WDFY3: variants seen among roughly 807,000 people sequenced by gnomAD.
WDFY3 encodes WD repeat and FYVE domain containing 3.
Under a neutral mutation model 409.6 loss-of-function variants are expected in WDFY3, and 66 were observed. That is an observed-to-expected ratio of 0.16 (90% CI 0.13 to 0.20). The LOEUF is 0.20. WDFY3 is among the 10% of genes least tolerant of loss of function. The probability of loss-of-function intolerance (pLI) is 1.00; values close to 1 mark genes in which losing one functional copy is unlikely to be tolerated. For missense variants in WDFY3, 3,031 were observed against 4,298.1 expected (o/e 0.71, Z 8.24); for synonymous variants, 1,521 against 1,537.1 (o/e 0.99, Z 0.25).
chr4:84,722,158 G>A (rs1734956539), intron 46 of WDFY3, among the ~76,000 whole-genome samples: 1 of 152,004 alleles, frequency 6.6e-6, no homozygotes, highest in Non-Finnish European at 1.5e-5. Flanking sequence ...GAGGCCAAGG[G>A]GAGCAGATCA....
chr4:84,962,817 G>A (rs1373022857), intron 1 of WDFY3, among the ~76,000 whole-genome samples: 1 of 151,608 alleles, frequency 6.6e-6, no homozygotes, highest in African/African-American at 2.4e-5. Context: ...GGGACTACAG[G>A]TGCACACCAC....
intron 5 of WDFY3, among the ~76,000 whole-genome samples, chr4:84,846,197 A>C (rs2150072524): frequency 6.6e-6 from 1 of 152,272 alleles, no homozygotes; most frequent in South Asian, 2.1e-4. Context: ...TGAATTTCAC[A>C]AGCTTAAAAC....
chr4:84,812,764 T>C (rs1211988295), intron 13 of WDFY3, among the ~76,000 whole-genome samples: 1 of 152,188 alleles, frequency 6.6e-6, no homozygotes, highest in African/African-American at 2.4e-5. Flanking sequence ...TATGTACTTC[T>C]GGACAGGCCC....
chr4:84,699,467 G>GA (rs1351916769), intron 56 of WDFY3, among the ~76,000 whole-genome samples: 1 of 152,162 alleles, frequency 6.6e-6, no homozygotes, highest in Non-Finnish European at 1.5e-5. Context: ...TCACTTGATA[G>GA]ACATCTGGGC....
At chr4:84,687,958 TA>T in intron 62 of WDFY3, 127 bp downstream of exon 62, 1 of 1,008,026 alleles carries the variant, frequency 9.9e-7, no homozygotes, top group Non-Finnish European at 1.5e-6. Context: ...TGGGCTCAAC[TA>T]ATCCTCCTGC....
At position 84,958,657 on chromosome 4, in the gene WDFY3, G is replaced by A. The variant is rs72664969; in HGVS notation, c.-226+7552C>T. Among the ~76,000 whole-genome samples, 1,476 of 152,256 alleles carry A rather than the reference G, an allele frequency of 9.7e-3. 10 individuals carry two copies. Among genetic ancestry groups the A allele is most frequent in the Non-Finnish European group, 0.017 (1,143 of 68,016 alleles). On this transcript the variant is annotated intron_variant, in intron 1 of 67. Transcript: ENST00000295888. ...AGGAATGCATCTCTGCCATGCAGAG[G>A]ATGCAATCTAGGCTCAAACACACTG...
chr4:84,891,123 C>A (rs992208197), intron 3 of WDFY3, among the ~76,000 whole-genome samples: 5 of 152,192 alleles, frequency 3.3e-5, no homozygotes, highest in African/African-American at 1.2e-4. Flanking sequence ...TCCTGATCCA[C>A]ACAGACAGCC....
intron 2 of WDFY3, among the ~76,000 whole-genome samples, chr4:84,920,845 T>C (rs1384573493): frequency 3.9e-5 from 6 of 152,150 alleles, no homozygotes; most frequent in Non-Finnish European, 5.9e-5. Context: ...ACCTTTTTTT[T>C]CCTCCAATCA....
chr4:84,696,250 T>C, intron 57 of WDFY3, 68 bp from the exon 58 acceptor site: 1 of 1,468,952 alleles, frequency 6.8e-7, no homozygotes, highest in Non-Finnish European at 9.4e-7. Context: ...TAGAAAAACC[T>C]TGGTAAGTGG....
At chr4:84,822,614 A>G (rs1052286529) in intron 10 of WDFY3, among the ~76,000 whole-genome samples, 2 of 152,108 alleles carry the variant, frequency 1.3e-5, no homozygotes, top group South Asian at 4.2e-4. Context: ...CAGGAGGCTG[A>G]GGCAGGAGGA....
At chr4:84,720,879 G>T (rs920851179) in intron 47 of WDFY3, among the ~76,000 whole-genome samples, 1 of 152,192 alleles carries the variant, frequency 6.6e-6, no homozygotes, top group Non-Finnish European at 1.5e-5. Context: ...GTACCAGGCT[G>T]CAGGGGCTCA....
intron 51 of WDFY3, among the ~76,000 whole-genome samples, chr4:84,712,136 CA>C (rs2149009237): frequency 6.6e-6 from 1 of 151,830 alleles, no homozygotes; most frequent in Non-Finnish European, 1.5e-5. Flanking sequence ...CCACCCACGC[CA>C]ACATGGAGAA....
chr4:84,826,672 C>T lies in WDFY3; in HGVS notation c.1123+143G>A, dbSNP rs572936649. 68 of 686,300 alleles carry T rather than the reference C, an allele frequency of 9.9e-5. No homozygotes were observed. In the African/African-American group the frequency reaches 1.1e-3, roughly 12 times the overall value. 42.5% of individuals were successfully genotyped at this position (686,300 alleles called of 1,614,324 possible). ...GGTTATTACTTAAGAAATACTTAAA[C>T]CATTAAAAAAAAAACAAGCTTTAAG... is the stretch of plus-strand genomic sequence containing the variant. On this transcript the variant is annotated intron_variant, in intron 10 of 67. Coordinates refer to ENST00000295888, the MANE Select transcript of WDFY3 (RefSeq NM_014991.6).
Position 84,669,673 on chromosome 4 carries a change from G to T in WDFY3, c.*3195C>A, listed in dbSNP as rs1725180325. On this transcript the variant is annotated 3_prime_UTR_variant, in exon 68 of 68. Transcript: ENST00000295888. ...TTTGCATCAGAGACAAATATACAATGAACATTCAGATATCACAGACTGCAC... is the reference window on the plus strand; with the variant it reads ...TTTGCATCAGAGACAAATATACAATTAACATTCAGATATCACAGACTGCAC... The T allele has an allele frequency of 6.8e-6, 1 of 146,066 alleles. No homozygotes were observed. The highest frequency in any genetic ancestry group is 2.4e-4 in the South Asian group (1 of 4,238). The allele number at this position is 146,066 out of a possible 1,614,324, so 9.0% of individuals were successfully genotyped here.
rs1265293898 is a variant in WDFY3, at chr4:84,849,949, C to T, written c.257G>A (p.Arg86Gln). Residue 86 changes from arginine (R) to glutamine (Q), a missense_variant, in exon 5 of 68, where the codon CGA becomes CAA. Transcript: ENST00000295888. ...CCTTCGAATTTCTGTCACCATTAGTCGTGAGACTTGTGTTGTGAACTGCAG... is the reference window on the plus strand; with the variant it reads ...CCTTCGAATTTCTGTCACCATTAGTTGTGAGACTTGTGTTGTGAACTGCAG... Reference protein sequence around the residue: ...DLLQFTTQVSRLMVTEIRRRA... With the variant: ...DLLQFTTQVSQLMVTEIRRRA... 8 of 1,611,026 alleles carry T rather than the reference C, an allele frequency of 5.0e-6. No individual in the cohort carries two copies. Among genetic ancestry groups the T allele is most frequent in the East Asian group, 2.2e-5 (1 of 44,692 alleles).
chr4:84,814,455 A>C (rs1001111241), intron 13 of WDFY3, among the ~76,000 whole-genome samples: 2 of 152,174 alleles, frequency 1.3e-5, no homozygotes, highest in Non-Finnish European at 2.9e-5. Context: ...TGGCCTAAAA[A>C]TATTGAATGA....
intron 2 of WDFY3, among the ~76,000 whole-genome samples, chr4:84,911,553 C>T (rs1318864829): frequency 6.6e-6 from 1 of 152,156 alleles, no homozygotes; most frequent in Non-Finnish European, 1.5e-5. Flanking sequence ...AAGATATATA[C>T]ACTTGACCCT....
rs531050709 is a variant in WDFY3 at position 84,778,443 on chromosome 4, C to A, written c.4518+60G>T. ...TTTTAGAGATAAAATAGTTTATAATCATATGGAGTAAGAAATGCATTCATT... is the reference window on the plus strand; with the variant it reads ...TTTTAGAGATAAAATAGTTTATAATAATATGGAGTAAGAAATGCATTCATT... On this transcript the variant is annotated intron_variant, in intron 27 of 67. Transcript: ENST00000295888. 14 of 1,398,916 alleles carry A rather than the reference C, an allele frequency of 1.0e-5. No individual in the cohort carries two copies. In the East Asian group the frequency reaches 3.2e-4, roughly 32 times the overall value. The allele number at this position is 1,398,916 out of a possible 1,614,324, so 86.7% of individuals were successfully genotyped here. A position where few individuals can be genotyped will look rare whatever the true frequency, so the allele number is the denominator to read the frequency against.
intron 2 of WDFY3, among the ~76,000 whole-genome samples, chr4:84,913,586 T>G (rs1210329937): frequency 6.6e-6 from 1 of 152,018 alleles, no homozygotes; most frequent in East Asian, 1.9e-4. Flanking sequence ...AGGAAGAAGA[T>G]GTAGAATAAG....
Sources: gnomAD v4.1 joint callset for allele counts (sites outside exome capture counted in the v4.1 genomes callset) on GRCh38, gnomAD v4.1.1 for gene constraint, MANE v1.5 for transcripts, NCBI Gene and HGNC (gene_info 2026-07-23, HGNC 2026-07-21) for gene names.